Variants in LYRM4 observed in about 807,000 individuals in gnomAD.
LYRM4 encodes LYR motif containing 4.
LYRM4 carries 9 observed loss-of-function variants against 11.7 expected under a neutral mutation model. The observed-to-expected ratio is 0.77, with a 90% CI of 0.46 to 1.34. The LOEUF is 1.34. LYRM4 is among the 40% of genes most tolerant of loss of function. The probability of loss-of-function intolerance (pLI) is 0.00; values close to 1 mark genes in which losing one functional copy is unlikely to be tolerated. For synonymous variants in LYRM4, 42 were observed against 40.4 expected, an observed-to-expected ratio of 1.04 and a Z score of -0.15; for missense variants, 133 against 112.5, an observed-to-expected ratio of 1.18 and a Z score of -0.82.
intron 1 of LYRM4, among the ~76,000 whole-genome samples, chr6:5,254,840 T>A (rs1236312749): frequency 6.6e-6 from 1 of 152,074 alleles, no homozygotes; most frequent in Non-Finnish European, 1.5e-5. Flanking sequence ...TCTCGTGGGG[T>A]CCTGCTCTAT....
chr6:5,077,682 TAGAA>T, the LYRM4 span, among the ~76,000 whole-genome samples: 1 of 152,188 alleles, frequency 6.6e-6, no homozygotes, highest in African/African-American at 2.4e-5. Context: ...AATTAATAGA[TAGAA>T]AGTCAACTAT....
At chr6:5,085,713 C>G in the LYRM4 span, 5 of 1,546,150 alleles carry the variant, frequency 3.2e-6, no homozygotes, top group Non-Finnish European at 3.5e-6. Flanking sequence ...TGCTGGAATG[C>G]CGCCGCCGCT....
intron 1 of LYRM4, among the ~76,000 whole-genome samples, chr6:5,247,087 C>T (rs1328414576): frequency 3.9e-5 from 6 of 152,162 alleles, no homozygotes; most frequent in Admixed American, 1.3e-4. Flanking sequence ...CGGCCCACAG[C>T]GGGCAGAGCT....
intron 2 of LYRM4, among the ~76,000 whole-genome samples, chr6:5,168,116 A>C (rs1297914836): frequency 1.3e-5 from 2 of 151,652 alleles, no homozygotes; most frequent in Non-Finnish European, 2.9e-5. Context: ...ACTTAAAAAA[A>C]AAAAACAAAA....
At chr6:5,104,209 G>A (rs1042104540), downstream of LYRM4, 4 of 152,310 alleles carry the variant, frequency 2.6e-5, no homozygotes, top group Admixed American at 1.3e-4. Context: ...GCCTAAAGCA[G>A]GAAGTTATTT....
chr6:5,181,516 C>G (rs1412993313), intron 2 of LYRM4, among the ~76,000 whole-genome samples: 1 of 152,226 alleles, frequency 6.6e-6, no homozygotes, highest in East Asian at 1.9e-4. Flanking sequence ...GCGGGCCCAT[C>G]TGCCCATTCC....
the LYRM4 span, among the ~76,000 whole-genome samples, chr6:5,072,744 G>A: frequency 1.3e-5 from 2 of 152,098 alleles, no homozygotes; most frequent in South Asian, 2.1e-4. Flanking sequence ...GGTAAGACCA[G>A]GTTTTTGTTT....
At chr6:5,098,489 T>G in the LYRM4 span, among the ~76,000 whole-genome samples, 1 of 152,230 alleles carries the variant, frequency 6.6e-6, no homozygotes, top group Non-Finnish European at 1.5e-5. Flanking sequence ...CCTGTCCCTA[T>G]GCAAACCTGT....
the LYRM4 span, among the ~76,000 whole-genome samples, chr6:5,055,974 TTCTC>T: frequency 3.9e-5 from 6 of 152,036 alleles, no homozygotes; most frequent in Non-Finnish European, 5.9e-5. This position sits in a 1 kb window ranked among gnomAD's most constrained non-coding sequence, Gnocchi z 4.5. Flanking sequence ...TTTTCTTTCT[TTCTC>T]TCTCTTTCTT....
chr6:5,078,647 A>G, the LYRM4 span, among the ~76,000 whole-genome samples: 2 of 152,190 alleles, frequency 1.3e-5, no homozygotes, highest in East Asian at 3.8e-4. Flanking sequence ...AGGCACACAT[A>G]TGAGAAAACA....
intron 2 of LYRM4, among the ~76,000 whole-genome samples, chr6:5,194,679 C>CA (rs1470698328): frequency 6.6e-6 from 1 of 152,168 alleles, no homozygotes; most frequent in Non-Finnish European, 1.5e-5. Flanking sequence ...GAAAATTATC[C>CA]ATAAATGGCT....
the LYRM4 span, among the ~76,000 whole-genome samples, chr6:5,047,661 T>C: frequency 6.6e-6 from 1 of 152,206 alleles, no homozygotes; most frequent in East Asian, 1.9e-4. Context: ...ATGTAACTAA[T>C]ATAAATCTGG....
At chr6:5,235,069 CT>C (rs1763459913) in intron 1 of LYRM4, among the ~76,000 whole-genome samples, 1 of 152,128 alleles carries the variant, frequency 6.6e-6, no homozygotes, top group Admixed American at 6.5e-5. Context: ...TAAGACAGTG[CT>C]TGGCCCCTTT....
At chr6:5,239,202 TGA>T (rs1011444168) in intron 1 of LYRM4, among the ~76,000 whole-genome samples, 4 of 152,010 alleles carry the variant, frequency 2.6e-5, no homozygotes, top group African/African-American at 9.7e-5. Flanking sequence ...GGGAAATAAG[TGA>T]GAGAACCTGC....
chr6:5,174,236 G>A (rs976088346), intron 2 of LYRM4, among the ~76,000 whole-genome samples: 5 of 152,000 alleles, frequency 3.3e-5, no homozygotes, highest in Non-Finnish European at 4.4e-5. Context: ...AGCTTACAAC[G>A]CATTTTGCAG....
chr6:5,112,809 G>A (rs1762943731), intron 2 of LYRM4, among the ~76,000 whole-genome samples: 1 of 152,170 alleles, frequency 6.6e-6, no homozygotes, highest in Non-Finnish European at 1.5e-5. Context: ...GAGCTCAGAG[G>A]CCCAGAGGCT....
Position 5,249,933 on chromosome 6 carries a change from A to G in LYRM4, c.86+10715T>C, listed in dbSNP as rs751644839. Among the ~76,000 whole-genome samples, 3 of 152,246 alleles carry G rather than the reference A, an allele frequency of 2.0e-5. No homozygotes were observed. The East Asian group carries it at 5.8e-4, about 29-fold the overall frequency. On this transcript the variant is annotated intron_variant, in intron 1 of 2. Coordinates refer to ENST00000330636, the MANE Select transcript of LYRM4 (RefSeq NM_020408.6). ...TCCTCAGCAAAGTCTGCATATGACT[A>G]TTGACATGAGTCATTAAGAGGTAAT... is the stretch of plus-strand genomic sequence containing the variant.
chr6:5,202,315 C>T (rs1362850042), intron 2 of LYRM4, among the ~76,000 whole-genome samples: 2 of 152,178 alleles, frequency 1.3e-5, no homozygotes, highest in Non-Finnish European at 2.9e-5. Flanking sequence ...TCTACAATAC[C>T]TGTATTCCAT....
chr6:5,040,376 C>G, the LYRM4 span, among the ~76,000 whole-genome samples: 14 of 150,944 alleles, frequency 9.3e-5, no homozygotes, highest in African/African-American at 3.4e-4. Context: ...TACATACATA[C>G]ATACATACAT....
Sources: gnomAD v4.1 joint callset for allele counts (sites outside exome capture counted in the v4.1 genomes callset) on GRCh38, gnomAD v4.1.1 for gene constraint, Gnocchi (gnomAD v3.1) non-coding constraint, MANE v1.5 for transcripts, NCBI Gene and HGNC (gene_info 2026-07-23, HGNC 2026-07-21) for gene names.